The following NDST4 variants were observed in gnomAD, a reference collection of about 807,000 sequenced individuals.
NDST4 encodes the protein N-deacetylase and N-sulfotransferase 4, also known as N-heparan sulfate sulfotransferase 4.
Under a neutral mutation model 100.8 loss-of-function variants are expected in NDST4, and 63 were observed. The observed-to-expected ratio is 0.62, with a 90% CI of 0.51 to 0.77. The LOEUF (loss-of-function observed/expected upper bound fraction) is 0.77, where lower values mean the gene tolerates loss of function less well. Ranked by LOEUF, NDST4 falls within the 30% of genes least tolerant of loss-of-function variation. The pLI is 0.00. For synonymous variants in NDST4, 377 were observed against 361.8 expected, an observed-to-expected ratio of 1.04 and a Z score of -0.48; for missense variants, 943 against 1,018.4, an observed-to-expected ratio of 0.93 and a Z score of 1.01.
intron 4 of NDST4, among the ~76,000 whole-genome samples, chr4:114,963,558 G>A (rs543628315): frequency 2.2e-4 from 34 of 152,268 alleles, no homozygotes; most frequent in African/African-American, 6.7e-4. Context: ...TACACTTTAC[G>A]TGGGTGAACC....
chr4:114,874,432 T>G (rs1358112941), intron 6 of NDST4, among the ~76,000 whole-genome samples: 1 of 152,182 alleles, frequency 6.6e-6, no homozygotes, highest in East Asian at 1.9e-4. Context: ...CTGCTGCATT[T>G]AAATTTTCCT....
At chr4:114,980,936 G>A (rs573985987) in intron 2 of NDST4, among the ~76,000 whole-genome samples, 1 of 152,126 alleles carries the variant, frequency 6.6e-6, no homozygotes, top group Admixed American at 6.5e-5. Flanking sequence ...GTCTAGGCTG[G>A]GTGTGGTGGC....
intron 2 of NDST4, among the ~76,000 whole-genome samples, chr4:115,055,083 C>A (rs1336668538): frequency 6.6e-6 from 1 of 152,016 alleles, no homozygotes; most frequent in Non-Finnish European, 1.5e-5. Context: ...CTCATAGGGG[C>A]GTGAACCCTA....
chr4:114,986,832 A>ATATATATATATATTTTTT lies in NDST4; in HGVS notation c.979-9559_979-9558insAAAAAATATATATATATA. Among the ~76,000 whole-genome samples the ATATATATATATATTTTTT allele has an allele frequency of 2.2e-3, 205 of 94,598 alleles. 1 individual carries two copies. The highest frequency in any genetic ancestry group is 3.4e-3 in the South Asian group (8 of 2,334). 62.1% of individuals were successfully genotyped at this position (94,598 alleles called of 152,430 possible). A position where few individuals can be genotyped will look rare whatever the true frequency, so the allele number is the denominator to read the frequency against. On this transcript the variant is annotated intron_variant, in intron 2 of 13. Transcript: ENST00000264363. ...TATATATATATATATATATATATATATTTTAATATACTATTCCTATAAGCT... is the reference window on the plus strand; with the variant it reads ...TATATATATATATATATATATATATATATATATATATATTTTTTTTTTAATATACTATTCCTATAAGCT...
chr4:115,033,157 A>ATATATATATATATATATATT (rs1491126767), intron 2 of NDST4, among the ~76,000 whole-genome samples: 1 of 59,948 alleles, frequency 1.7e-5, no homozygotes, highest in Non-Finnish European at 3.5e-5. Context: ...ATATATATAT[A>ATATATATATATATATATATT]TTTTTTTTTT....
intron 6 of NDST4, among the ~76,000 whole-genome samples, chr4:114,873,685 T>C (rs1724197815): frequency 6.6e-6 from 1 of 152,068 alleles, no homozygotes; most frequent in Non-Finnish European, 1.5e-5. Flanking sequence ...TAAGAACTTC[T>C]TTATAATCAC....
At chr4:114,930,544 T>C (rs1725490037) in intron 6 of NDST4, among the ~76,000 whole-genome samples, 1 of 152,184 alleles carries the variant, frequency 6.6e-6, no homozygotes, top group Admixed American at 6.5e-5. Context: ...TTGAAAATAG[T>C]GTATGTGAAT....
rs1362504049 is a variant in NDST4, at chr4:115,009,754, C to T, written c.979-32480G>A. ...ACCATCAGAGTGAACAGGCAACCTA[C>T]AAAATGGGAGAAAATTTTCACAACC... On this transcript the variant is annotated intron_variant, in intron 2 of 13. Coordinates refer to ENST00000264363, the MANE Select transcript of NDST4 (RefSeq NM_022569.3). 1.5e-4 allele frequency among the ~76,000 whole-genome samples: 15 copies of T among 98,252 alleles called. 3 individuals carry two copies. The highest frequency in any genetic ancestry group is 2.0e-5 in the Non-Finnish European group (1 of 49,670). The allele number at this position is 98,252 out of a possible 152,430, so 64.5% of individuals were successfully genotyped here.
chr4:114,859,255 C>A (rs1328795896), intron 7 of NDST4, among the ~76,000 whole-genome samples: 2 of 152,124 alleles, frequency 1.3e-5, no homozygotes, highest in African/African-American at 4.8e-5. Flanking sequence ...TCTGACCCAC[C>A]CAGTATTTCT....
intron 7 of NDST4, among the ~76,000 whole-genome samples, chr4:114,863,480 T>C (rs778169927): frequency 8.5e-5 from 13 of 152,374 alleles, no homozygotes; most frequent in Non-Finnish European, 1.6e-4. Flanking sequence ...AGCATTTAAT[T>C]GCACTTTCTT....
chr4:115,035,100 T>C (rs886372249), intron 2 of NDST4, among the ~76,000 whole-genome samples: 2 of 152,116 alleles, frequency 1.3e-5, no homozygotes, highest in Admixed American at 6.6e-5. Context: ...TATATTCAAT[T>C]GCAGAACATA....
chr4:115,065,077 C>T (rs1728916868), intron 2 of NDST4, among the ~76,000 whole-genome samples: 1 of 152,040 alleles, frequency 6.6e-6, no homozygotes, highest in African/African-American at 2.4e-5. Flanking sequence ...CATTGTATTT[C>T]CAGCTTTCTT....
At chr4:114,854,422 G>A (rs542389201) in intron 7 of NDST4, among the ~76,000 whole-genome samples, 2 of 152,264 alleles carry the variant, frequency 1.3e-5, no homozygotes, top group South Asian at 4.1e-4. Context: ...ATTGTGAATA[G>A]TGCTGAAATA....
chr4:115,073,140 G>A (rs1490620949), intron 2 of NDST4, among the ~76,000 whole-genome samples: 2 of 151,962 alleles, frequency 1.3e-5, no homozygotes, highest in Non-Finnish European at 2.9e-5. Context: ...CTATTAGAAT[G>A]GCTGTTATCA....
At chr4:114,965,153 C>T (rs1051406379) in intron 4 of NDST4, among the ~76,000 whole-genome samples, 6 of 151,988 alleles carry the variant, frequency 3.9e-5, no homozygotes, top group African/African-American at 1.4e-4. Context: ...CCTTTAAATA[C>T]CCTATAAGTT....
chr4:115,099,215 A>G (rs1208182100), intron 1 of NDST4, among the ~76,000 whole-genome samples: 1 of 152,206 alleles, frequency 6.6e-6, no homozygotes, highest in Non-Finnish European at 1.5e-5. Flanking sequence ...ATACATAACT[A>G]TAAGACTCTT....
chr4:114,833,854 C>A (rs1048179181), intron 11 of NDST4, 139 bp from the exon 12 acceptor site: 2 of 551,072 alleles, frequency 3.6e-6, no homozygotes, highest in Non-Finnish European at 6.4e-6. Context: ...AGAATACATC[C>A]GAATGTTTAT....
intron 2 of NDST4, among the ~76,000 whole-genome samples, chr4:114,982,593 T>C (rs560700873): frequency 6.6e-6 from 1 of 152,234 alleles, no homozygotes; most frequent in South Asian, 2.1e-4. Flanking sequence ...TGGGAACTTA[T>C]ATTTAAAAGT....
chr4:115,027,021 T>A (rs568048138), intron 2 of NDST4, among the ~76,000 whole-genome samples: 4 of 152,242 alleles, frequency 2.6e-5, no homozygotes, highest in Admixed American at 2.6e-4. Flanking sequence ...CTTGGGATGA[T>A]AGAAAAAAGA....
Sources: allele counts gnomAD v4.1 joint callset (sites outside exome capture counted in the v4.1 genomes callset), GRCh38; gene constraint gnomAD v4.1.1; transcripts MANE v1.5; gene names NCBI Gene and HGNC (gene_info 2026-07-23, HGNC 2026-07-21).